ANKS1B: variants seen among roughly 807,000 people sequenced by gnomAD.
ANKS1B encodes ankyrin repeat and sterile alpha motif domain containing 1B.
ANKS1B carries 36 observed loss-of-function variants against 148.3 expected under a neutral mutation model. The ratio of observed to expected loss-of-function variants is 0.24; its 90% CI spans 0.19 to 0.32. The LOEUF is 0.32. Ranked by LOEUF, ANKS1B falls within the 10% of genes least tolerant of loss-of-function variation. The pLI, the probability that ANKS1B is intolerant of heterozygous loss-of-function variation, is 1.00. For missense variants in ANKS1B, 1,157 were observed against 1,542.6 expected, an observed-to-expected ratio of 0.75 and a Z score of 4.19; for synonymous variants, 542 against 560.8, an observed-to-expected ratio of 0.97 and a Z score of 0.47.
chr12:98,905,560 A>G (rs1228056947), intron 17 of ANKS1B, among the ~76,000 whole-genome samples: 2 of 152,016 alleles, frequency 1.3e-5, no homozygotes. Flanking sequence ...GCTTGAGTTC[A>G]GGAGTTTGAG....
chr12:99,526,827 A>G (rs2096931534), intron 9 of ANKS1B, among the ~76,000 whole-genome samples: 1 of 152,224 alleles, frequency 6.6e-6, no homozygotes, highest in Non-Finnish European at 1.5e-5. Flanking sequence ...TAACCCCAGT[A>G]CATAAGAATG....
At chr12:99,268,909 T>C (rs998017631) in intron 12 of ANKS1B, among the ~76,000 whole-genome samples, 13 of 152,178 alleles carry the variant, frequency 8.5e-5, no homozygotes, top group African/African-American at 3.1e-4. Flanking sequence ...ATAAGTTCTG[T>C]CTCTGGAATA....
intron 8 of ANKS1B, among the ~76,000 whole-genome samples, chr12:99,711,566 T>A (rs1308017018): frequency 6.6e-6 from 1 of 152,030 alleles, no homozygotes; most frequent in African/African-American, 2.4e-5. Flanking sequence ...CTAAAGAAGA[T>A]ATACCTGTGG....
intron 13 of ANKS1B, 107 bp downstream of exon 13, chr12:99,246,166 CTT>C (rs35408837): frequency 1.7e-5 from 12 of 720,072 alleles, no homozygotes; most frequent in Non-Finnish European, 1.5e-5. Context: ...GAGCCGTATG[CTT>C]TTTTTTTTCT....
At chr12:99,561,960 A>C (rs2153199875) in intron 9 of ANKS1B, among the ~76,000 whole-genome samples, 1 of 152,334 alleles carries the variant, frequency 6.6e-6, no homozygotes, top group East Asian at 1.9e-4. Context: ...CTATAGTCTT[A>C]CATTATATAT....
At chr12:99,152,815 A>T (rs2075296930) in intron 15 of ANKS1B, among the ~76,000 whole-genome samples, 1 of 152,156 alleles carries the variant, frequency 6.6e-6, no homozygotes, top group South Asian at 2.1e-4. Context: ...ATAAATAATA[A>T]AAAAAGACTT....
chr12:99,300,628 G>GC (rs1189015009), intron 12 of ANKS1B, among the ~76,000 whole-genome samples: 1 of 152,186 alleles, frequency 6.6e-6, no homozygotes, highest in Non-Finnish European at 1.5e-5. Flanking sequence ...AAGGGCTCAT[G>GC]CCCAACTGTT....
At chr12:99,143,024 A>T (rs1566411931) in intron 15 of ANKS1B, among the ~76,000 whole-genome samples, 1 of 152,162 alleles carries the variant, frequency 6.6e-6, no homozygotes, top group Non-Finnish European at 1.5e-5. Flanking sequence ...AACTTCTGTC[A>T]AATAAACTTG....
chr12:98,993,467 C>A (rs1417790608), intron 17 of ANKS1B, among the ~76,000 whole-genome samples: 1 of 152,198 alleles, frequency 6.6e-6, no homozygotes, highest in Admixed American at 6.5e-5. Flanking sequence ...CTGTGCCCAG[C>A]CTGTAGTTGG....
At chr12:99,393,069 AGATT>A (rs1469147265) in intron 12 of ANKS1B, among the ~76,000 whole-genome samples, 2 of 151,194 alleles carry the variant, frequency 1.3e-5, no homozygotes. Flanking sequence ...ATATGTAGAT[AGATT>A]GATAGATCAA....
At chr12:99,417,956 G>A (rs182675070) in intron 11 of ANKS1B, among the ~76,000 whole-genome samples, 32 of 152,278 alleles carry the variant, frequency 2.1e-4, no homozygotes, top group African/African-American at 7.2e-4. Context: ...AAAACAAATT[G>A]CCAACCAAGA....
chr12:98,830,022 A>G (rs1594908755), intron 18 of ANKS1B, among the ~76,000 whole-genome samples: 2 of 152,254 alleles, frequency 1.3e-5, no homozygotes, highest in East Asian at 1.9e-4. Context: ...TGGACCTTCT[A>G]TGATAGATTT....
At chr12:99,594,429 A>G (rs2097736165) in intron 9 of ANKS1B, among the ~76,000 whole-genome samples, 1 of 152,094 alleles carries the variant, frequency 6.6e-6, no homozygotes, top group Admixed American at 6.6e-5. Flanking sequence ...AACATTATTC[A>G]TTAACAGCCA....
intron 1 of ANKS1B, among the ~76,000 whole-genome samples, chr12:99,943,462 G>C (rs1390054884): frequency 4.6e-5 from 7 of 152,130 alleles, no homozygotes; most frequent in Admixed American, 4.6e-4. Flanking sequence ...ACAACACTGG[G>C]TAATTTATAA....
chr12:98,750,855 G>A (rs981506731), intron 26 of ANKS1B, among the ~76,000 whole-genome samples: 4 of 152,236 alleles, frequency 2.6e-5, no homozygotes, highest in African/African-American at 9.6e-5. Context: ...AGCTGCGGGA[G>A]ACAAAGCACG....
intron 14 of ANKS1B, among the ~76,000 whole-genome samples, chr12:99,196,833 C>T (rs1175982749): frequency 1.3e-5 from 2 of 152,016 alleles, no homozygotes; most frequent in African/African-American, 4.8e-5. Flanking sequence ...ACTTTGGGTC[C>T]AGGGATTGTA....
chr12:99,626,716 A>G lies in ANKS1B; in HGVS notation c.1272+28351T>C, dbSNP rs530975318. On this transcript the variant is annotated intron_variant, in intron 9 of 26. Coordinates refer to ENST00000683438, the MANE Select transcript of ANKS1B (RefSeq NM_001352186.2). ...GGCCTGACTGGCATACATTGGGGCGAATGGAAAACCATCCTGGGAATCTAG... is the reference window on the plus strand; with the variant it reads ...GGCCTGACTGGCATACATTGGGGCGGATGGAAAACCATCCTGGGAATCTAG... 2.6e-5 allele frequency among the ~76,000 whole-genome samples: 4 copies of G among 152,272 alleles called. No individual in the cohort carries two copies. In the East Asian group the frequency reaches 5.8e-4, roughly 22 times the overall value.
intron 1 of ANKS1B, among the ~76,000 whole-genome samples, chr12:99,871,866 T>C (rs2091558690): frequency 6.6e-6 from 1 of 152,158 alleles, no homozygotes; most frequent in Non-Finnish European, 1.5e-5. Context: ...GGAGAGACAG[T>C]TTGACTTCTT....
chr12:99,407,448 A>G (rs945224636), intron 11 of ANKS1B, among the ~76,000 whole-genome samples: 4 of 145,684 alleles, frequency 2.7e-5, no homozygotes, highest in Non-Finnish European at 6.1e-5. Context: ...TTCCTCTAAG[A>G]CCTGGAACTT....
Sources: gnomAD v4.1 joint callset for allele counts (sites outside exome capture counted in the v4.1 genomes callset) on GRCh38, gnomAD v4.1.1 for gene constraint, MANE v1.5 for transcripts, NCBI Gene and HGNC (gene_info 2026-07-23, HGNC 2026-07-21) for gene names.